B4GALT6: variants seen among roughly 807,000 people sequenced by gnomAD.
B4GALT6 encodes UDP-Gal:beta-GlcNAc beta-1,4-galactosyltransferase 6.
In B4GALT6, 14 loss-of-function variants were observed where a neutral mutation model predicts 46.3. The ratio of observed to expected loss-of-function variants is 0.30; its 90% CI spans 0.20 to 0.47. B4GALT6 has a LOEUF of 0.47. Among genes scored for constraint, B4GALT6 ranks in the 20% least tolerant of loss-of-function variants. The pLI, the probability that B4GALT6 is intolerant of heterozygous loss-of-function variation, is 0.99. For synonymous variants in B4GALT6, 168 were observed against 162.0 expected (o/e 1.04, Z -0.28); for missense variants, 386 against 480.1 (o/e 0.80, Z 1.83).
chr18:31,717,926 C>G, the B4GALT6 span, among the ~76,000 whole-genome samples: 1 of 131,272 alleles, frequency 7.6e-6, no homozygotes, highest in African/African-American at 2.9e-5. Flanking sequence ...TGCACTCCAG[C>G]TAGGGCAAAA....
the B4GALT6 span, among the ~76,000 whole-genome samples, chr18:31,696,175 A>G: frequency 6.6e-6 from 1 of 152,228 alleles, no homozygotes; most frequent in African/African-American, 2.4e-5. Context: ...ATAAAAAGGT[A>G]ACAGATGTTG....
chr18:31,655,251 T>G (rs972660411), intron 3 of B4GALT6, among the ~76,000 whole-genome samples: 1 of 152,218 alleles, frequency 6.6e-6, no homozygotes, highest in Admixed American at 6.5e-5. Flanking sequence ...AAGCCTTATC[T>G]GTATGTGGCT....
At chr18:31,639,278 T>C (rs1315384766) in intron 4 of B4GALT6, among the ~76,000 whole-genome samples, 1 of 152,180 alleles carries the variant, frequency 6.6e-6, no homozygotes, top group Non-Finnish European at 1.5e-5. Context: ...GGGGAATGTA[T>C]CATAAGAGTA....
At chr18:31,658,587 AAGTT>A (rs1305536012) in intron 2 of B4GALT6, 1 of 152,366 alleles carries the variant, frequency 6.6e-6, no homozygotes, top group Non-Finnish European at 1.5e-5. Context: ...CTAAACCTTT[AAGTT>A]AGTCATTCCC....
intron 1 of B4GALT6, among the ~76,000 whole-genome samples, chr18:31,667,850 T>C (rs1269858750): frequency 6.6e-6 from 1 of 152,112 alleles, no homozygotes; most frequent in African/African-American, 2.4e-5. Context: ...ACGCCTGTAA[T>C]TCCTGGGAGG....
chr18:31,694,455 C>T, the B4GALT6 span, among the ~76,000 whole-genome samples: 1 of 152,142 alleles, frequency 6.6e-6, no homozygotes, highest in Non-Finnish European at 1.5e-5. Flanking sequence ...TTAAACACAC[C>T]AACCTCTTCA....
At position 31,684,357 on chromosome 18, in the gene B4GALT6, G is replaced by GGGA. The variant is rs1325738272; in HGVS notation, c.67_69dup (p.Ser23dup). 3.1e-6 allele frequency: 5 copies of GGGA among 1,613,874 alleles called. No individual in the cohort carries two copies. The highest frequency in any genetic ancestry group is 4.2e-6 in the Non-Finnish European group (5 of 1,179,924). On this transcript the variant is annotated inframe_insertion, in exon 1 of 9. Coordinates refer to ENST00000306851, the MANE Select transcript of B4GALT6 (RefSeq NM_004775.5). ...ATGAAGTACAGACAGGACGAAGAGAGGGAGAAGAAGAAGATGAAGGCGAGG... is the reference window on the plus strand; with the variant it reads ...ATGAAGTACAGACAGGACGAAGAGAGGGAGGAGAAGAAGAAGATGAAGGCGAGG...
At chr18:31,684,858 G>A (rs554361319), upstream of B4GALT6, 58 of 809,272 alleles carry the variant, frequency 7.2e-5, no homozygotes, top group African/African-American at 4.7e-4. Flanking sequence ...CGGCTCCGCT[G>A]CCCGCGCCCG....
intron 5 of B4GALT6, among the ~76,000 whole-genome samples, chr18:31,635,484 T>C (rs2073846494): frequency 6.6e-6 from 1 of 152,122 alleles, no homozygotes; most frequent in Non-Finnish European, 1.5e-5. Context: ...GAATGATTTA[T>C]ACACACAGAA....
At position 31,622,462 on chromosome 18, in the gene B4GALT6, T is replaced by C. The variant is rs1020737282; in HGVS notation, c.*3152A>G. 2.6e-5 allele frequency: 4 copies of C among 152,016 alleles called. No individual in the cohort carries two copies. The highest frequency in any genetic ancestry group is 5.9e-5 in the Non-Finnish European group (4 of 67,922). The allele number at this position is 152,016 out of a possible 1,614,324, so 9.4% of individuals were successfully genotyped here. On this transcript the variant is annotated 3_prime_UTR_variant, in exon 9 of 9. Coordinates refer to ENST00000306851, the MANE Select transcript of B4GALT6 (RefSeq NM_004775.5). ...ATTTTAGTTCTCTCAACCGGCATAC[T>C]TGCAAATACAAGACAATAAATCTAC...
At chr18:31,664,564 G>C (rs79816893) in intron 2 of B4GALT6, among the ~76,000 whole-genome samples, 2,852 of 151,318 alleles carry the variant, frequency 0.019, 104 homozygotes, top group African/African-American at 0.066. Context: ...ATACTATGGG[G>C]AAAGATTGTC....
chr18:31,692,726 G>A, the B4GALT6 span, among the ~76,000 whole-genome samples: 1 of 152,208 alleles, frequency 6.6e-6, no homozygotes, highest in South Asian at 2.1e-4. Context: ...TAAAAGTAAG[G>A]GAAAGAAAGT....
chr18:31,701,962 AG>A, the B4GALT6 span, among the ~76,000 whole-genome samples: 1 of 152,320 alleles, frequency 6.6e-6, no homozygotes, highest in African/African-American at 2.4e-5. Flanking sequence ...TATTTTAAAA[AG>A]CACTTACATA....
At chr18:31,659,680 T>G (rs1265060349) in intron 2 of B4GALT6, among the ~76,000 whole-genome samples, 1 of 152,136 alleles carries the variant, frequency 6.6e-6, no homozygotes, top group Non-Finnish European at 1.5e-5. Flanking sequence ...AGGCCTATCC[T>G]ACCAGGAAGT....
intron 2 of B4GALT6, 71 bp from the exon 3 acceptor site, chr18:31,658,160 T>G (rs1281273069): frequency 9.4e-7 from 1 of 1,062,770 alleles, no homozygotes; most frequent in Non-Finnish European, 1.4e-6. Flanking sequence ...ATGAAATACG[T>G]CACTATCACT....
intron 1 of B4GALT6, among the ~76,000 whole-genome samples, chr18:31,673,414 G>A (rs1473964357): frequency 6.6e-6 from 1 of 152,168 alleles, no homozygotes; most frequent in African/African-American, 2.4e-5. Flanking sequence ...CCACAGCTAT[G>A]CTGACACCCA....
rs142766180 is a variant in B4GALT6, at chr18:31,655,095, T to C, written c.346+2881A>G. 5.6e-3 allele frequency among the ~76,000 whole-genome samples: 856 copies of C among 152,320 alleles called. 8 individuals carry two copies. The highest frequency in any genetic ancestry group is 0.02 in the African/African-American group (817 of 41,574). On this transcript the variant is annotated intron_variant, in intron 3 of 8. Transcript: ENST00000306851. ...TCCTTACCACACTCTGCAGATGGTA[T>C]TGGAATCCCAGGTTTTACAGGTAGG...
At chr18:31,702,289 G>A in the B4GALT6 span, among the ~76,000 whole-genome samples, 2 of 152,136 alleles carry the variant, frequency 1.3e-5, no homozygotes, top group African/African-American at 4.8e-5. Flanking sequence ...AAATTATCCT[G>A]CAGTTAACAC....
chr18:31,720,869 G>C, the B4GALT6 span, among the ~76,000 whole-genome samples: 1 of 152,208 alleles, frequency 6.6e-6, no homozygotes, highest in South Asian at 2.1e-4. Flanking sequence ...GGGATATGCA[G>C]GCTTTGGAGA....
Sources: gnomAD v4.1 joint callset for allele counts (sites outside exome capture counted in the v4.1 genomes callset) on GRCh38, gnomAD v4.1.1 for gene constraint, MANE v1.5 for transcripts, NCBI Gene and HGNC (gene_info 2026-07-23, HGNC 2026-07-21) for gene names.